MICA: variants seen among roughly 807,000 people sequenced by gnomAD.
MICA encodes the protein MHC class I polypeptide-related sequence A.
MICA carries 18 observed loss-of-function variants against 34.3 expected under a neutral mutation model. That is an observed-to-expected ratio of 0.52 (90% CI 0.36 to 0.78). The LOEUF is 0.78. Ranked by LOEUF, MICA falls within the 30% of genes least tolerant of loss-of-function variation. The pLI is 0.00. For synonymous variants in MICA, 135 were observed against 156.9 expected (o/e 0.86, Z 1.04); for missense variants, 333 against 409.4 (o/e 0.81, Z 1.61).
rs949103320 is a variant in MICA at position 31,412,201 on chromosome 6, C to G, written c.868C>G (p.His290Asp). 6.2e-7 allele frequency: 1 copy of G among 1,611,076 alleles called. No individual in the cohort carries two copies. The highest frequency in any genetic ancestry group is 1.3e-5 in the African/African-American group (1 of 74,564). ...FTCYMEHSGNHSTHPVPSGKV... is the reference protein window; with the variant it reads ...FTCYMEHSGNDSTHPVPSGKV... ...CTGCTACATGGAACACAGCGGGAAT[C>G]ACAGCACTCACCCTGTGCCCTCTGG... is the stretch of plus-strand genomic sequence containing the variant. Residue 290 changes from histidine (H) to aspartate (D), a missense_variant, in exon 4 of 6, where the codon CAC becomes GAC. His to Asp is a moderately conservative substitution (Grantham distance 81). Coordinates refer to ENST00000449934, the MANE Select transcript of MICA (RefSeq NM_001177519.3).
intron 1 of MICA, among the ~76,000 whole-genome samples, chr6:31,405,063 C>T (rs1770678794): frequency 6.7e-6 from 1 of 148,600 alleles, no homozygotes; most frequent in Non-Finnish European, 1.5e-5. Flanking sequence ...CCAGAGCACC[C>T]TCCCCTCCTG....
chr6:31,406,326 C>G (rs372515474), intron 1 of MICA, among the ~76,000 whole-genome samples: 2 of 151,744 alleles, frequency 1.3e-5, no homozygotes, highest in Non-Finnish European at 2.9e-5. Context: ...AGCACCTTTT[C>G]ATATACCTGT....
chr6:31,401,581 A>G (rs1405225908), upstream of MICA, among the ~76,000 whole-genome samples: 1 of 151,308 alleles, frequency 6.6e-6, no homozygotes, highest in Non-Finnish European at 1.5e-5. Context: ...GGATTGCTTG[A>G]GCCCAGGCAT....
rs1309684034 is a variant in MICA at position 31,411,073 on chromosome 6, C to A, written c.327C>A (p.Gly109=). 2 of 1,586,886 alleles carry A rather than the reference C, an allele frequency of 1.3e-6. No individual in the cohort carries two copies. The highest frequency in any genetic ancestry group is 1.4e-5 in the African/African-American group (1 of 73,992). The change falls in exon 3 of 6, where the codon GGC becomes GGA. Residue 109 remains glycine (G), a splice_region_variant and synonymous_variant. Transcript: ENST00000449934. This position sits in a 1 kb window ranked among gnomAD's most constrained non-coding sequence, Gnocchi z 4.3. ...GAAGTCACTGCTGGGTGGGGGCAGG[C>A]TTGCATTCCCTCCAGGAGATTAGGG... ...TLAHIKDQKE[G]LHSLQEIRVC...
At chr6:31,410,994 C>A in intron 2 of MICA, 78 bp from the exon 3 acceptor site, 3 of 1,488,596 alleles carry the variant, frequency 2.0e-6, no homozygotes, top group South Asian at 1.4e-5. Flanking sequence ...GGGAGGCATA[C>A]CCCCTGGGCT....
chr6:31,411,116 G>T lies in MICA; in HGVS notation c.370G>T (p.Asp124Tyr). ...GATTAGGGTCTGTGAGATCCATGAA[G>T]ACAACAGCACCAGGAGCTCCCAGCA... ...QEIRVCEIHEDNSTRSSQHFY... is the reference protein window; with the variant it reads ...QEIRVCEIHEYNSTRSSQHFY... Residue 124 changes from aspartate to tyrosine, a missense_variant, in exon 3 of 6, where the codon GAC (aspartate) becomes TAC (tyrosine). By Grantham distance (160) the Asp-to-Tyr change is radical. Transcript: ENST00000449934. The surrounding 1 kb of genome is among the most constrained non-coding windows in gnomAD (Gnocchi z 4.3). The T allele has an allele frequency of 1.9e-6, 3 of 1,609,278 alleles. No homozygotes were observed. Among genetic ancestry groups the T allele is most frequent in the Non-Finnish European group, 2.5e-6 (3 of 1,178,416 alleles).
Position 31,403,603 on chromosome 6 carries a change from AGCC to A in MICA, c.-27_-25del. ...GCGCCTTCTCCCCGGCCACTGCTTG[AGCC>A]GCTGAGAGGGTGGCGACGTCGGGGC... On this transcript the variant is annotated 5_prime_UTR_variant, in exon 1 of 6. Coordinates refer to ENST00000449934, the MANE Select transcript of MICA (RefSeq NM_001177519.3). This position sits in a 1 kb window ranked among gnomAD's most constrained non-coding sequence, Gnocchi z 4.7. 6.7e-7 allele frequency: 1 copy of A among 1,482,368 alleles called. No homozygotes were observed. Among genetic ancestry groups the A allele is most frequent in the Non-Finnish European group, 8.9e-7 (1 of 1,118,898 alleles). The allele number at this position is 1,482,368 out of a possible 1,614,324, so 91.8% of individuals were successfully genotyped here.
At chr6:31,413,428 T>A (rs114109373) in intron 5 of MICA, among the ~76,000 whole-genome samples, 5,032 of 151,936 alleles carry the variant, frequency 0.033, 137 homozygotes, top group Non-Finnish European at 0.048. Context: ...CACTGCCTGG[T>A]AAGTTTGGAG....
chr6:31,404,280 C>G (rs2113722926), intron 1 of MICA, among the ~76,000 whole-genome samples: 1 of 151,694 alleles, frequency 6.6e-6, no homozygotes, highest in East Asian at 2.0e-4. Flanking sequence ...AGGCTCCGGG[C>G]AGAGGATTCT....
Position 31,412,279 on chromosome 6 carries a change from T to C in MICA, c.893-46T>C, listed in dbSNP as rs760943127. The C allele has an allele frequency of 8.8e-5, 141 of 1,605,856 alleles. 1 individual carries two copies. Among genetic ancestry groups the C allele is most frequent in the Non-Finnish European group, 7.6e-6 (9 of 1,177,306 alleles). On this transcript the variant is annotated intron_variant, in intron 4 of 5. Transcript: ENST00000449934. ...CAGGCCAGGGTAGGGACAGCAGGGA[T>C]GGCTGTGGCTCTCTGCCCAGTGTAT...
chr6:31,402,699 G>A (rs1770501488), upstream of MICA, among the ~76,000 whole-genome samples: 2 of 151,850 alleles, frequency 1.3e-5, 1 homozygote, highest in South Asian at 4.1e-4. Flanking sequence ...AGGGACCAAG[G>A]ATGGTGATGT....
rs147469728 is a variant in MICA at position 31,407,234 on chromosome 6, G to A, written c.71-3309G>A. 9.7e-4 allele frequency among the ~76,000 whole-genome samples: 148 copies of A among 151,802 alleles called. 5 individuals carry two copies. Among genetic ancestry groups the A allele is most frequent in the African/African-American group, 3.6e-3 (147 of 41,328 alleles). The stretch of plus-strand genomic sequence containing the variant: ...GTGTCCTTCAATTTTTTGCATCAGT[G>A]TTTTTTGTTTTTGGTTTTTGAGATG... On this transcript the variant is annotated intron_variant, in intron 1 of 5. Transcript: ENST00000449934.
chr6:31,407,924 C>T (rs879463662), intron 1 of MICA, among the ~76,000 whole-genome samples: 1 of 151,954 alleles, frequency 6.6e-6, no homozygotes, highest in South Asian at 2.1e-4. Context: ...TTGTCTTATT[C>T]CAGATCTTAG....
Position 31,411,127 on chromosome 6 carries a change from C to A in MICA, c.381C>A (p.Thr127=). 1 of 1,610,818 alleles carries A rather than the reference C, an allele frequency of 6.2e-7. No individual in the cohort carries two copies. Among genetic ancestry groups the A allele is most frequent in the South Asian group, 1.1e-5 (1 of 90,496 alleles). ...GTGAGATCCATGAAGACAACAGCACCAGGAGCTCCCAGCATTTCTACTACG... is the reference window on the plus strand; with the variant it reads ...GTGAGATCCATGAAGACAACAGCACAAGGAGCTCCCAGCATTTCTACTACG... ...RVCEIHEDNS[T]RSSQHFYYDG... is the part of the protein sequence containing the mutation. Residue 127 remains threonine (T), a synonymous_variant, in exon 3 of 6, where the codon ACC becomes ACA. Transcript: ENST00000449934. This position sits in a 1 kb window ranked among gnomAD's most constrained non-coding sequence, Gnocchi z 4.3.
Position 31,410,656 on chromosome 6 carries a change from C to T in MICA, c.184C>T (p.Gln62Ter). Residue 62 changes from glutamine to a stop codon, truncating the protein, a stop_gained, in exon 2 of 6, where the codon CAG (glutamine) becomes TAG (stop). Coordinates refer to ENST00000449934, the MANE Select transcript of MICA (RefSeq NM_001177519.3). LOFTEE classifies it high-confidence loss of function. Reference sequence around the variant, plus strand: ...TCAGCCCTTCCTGCGCTATGACAGGCAGAAATGCAGGGCAAAGCCCCAGGG... The same window carrying T: ...TCAGCCCTTCCTGCGCTATGACAGGTAGAAATGCAGGGCAAAGCCCCAGGG... The part of the protein sequence containing the change: ...DGQPFLRYDR[Q>*]KCRAKPQGQW... The T allele has an allele frequency of 6.2e-7, 1 of 1,613,560 alleles. No individual in the cohort carries two copies. Among genetic ancestry groups the T allele is most frequent in the South Asian group, 1.1e-5 (1 of 91,056 alleles).
chr6:31,403,591 G>C (rs767024290), upstream of MICA: 16 of 1,450,376 alleles, frequency 1.1e-5, no homozygotes, highest in Admixed American at 3.0e-5. The surrounding 1 kb of genome is among the most constrained non-coding windows in gnomAD (Gnocchi z 4.7). Flanking sequence ...CCTTCTCCCC[G>C]GCCACTGCTT....
intron 1 of MICA, among the ~76,000 whole-genome samples, chr6:31,407,381 C>T (rs1465700050): frequency 6.6e-6 from 1 of 151,888 alleles, no homozygotes; most frequent in Non-Finnish European, 1.5e-5. Context: ...GGATTACAGG[C>T]ATGTGCCACT....
In MICA at chr6:31,410,975, G is replaced by A; in HGVS notation, c.326-97G>A. On this transcript the variant is annotated intron_variant, in intron 2 of 5. Transcript: ENST00000449934. ...CTCAGCCCACACAGGGAGGCATGGAGGAGGGCCAGGGAGGCATACCCCCTG... is the reference window on the plus strand; with the variant it reads ...CTCAGCCCACACAGGGAGGCATGGAAGAGGGCCAGGGAGGCATACCCCCTG... The A allele has an allele frequency of 6.1e-6, 9 of 1,475,234 alleles. No individual in the cohort carries two copies. In the South Asian group the frequency reaches 1.1e-4, roughly 18 times the overall value. 91.4% of individuals were successfully genotyped at this position (1,475,234 alleles called of 1,614,324 possible). A position where few individuals can be genotyped will look rare whatever the true frequency, so the allele number is the denominator to read the frequency against.
intron 1 of MICA, among the ~76,000 whole-genome samples, chr6:31,407,359 C>T (rs1325061214): frequency 1.3e-5 from 2 of 151,938 alleles, no homozygotes; most frequent in Non-Finnish European, 2.9e-5. Context: ...GCCTCAGCCT[C>T]CCAAGTAGCT....
Sources: allele counts gnomAD v4.1 joint callset (sites outside exome capture counted in the v4.1 genomes callset), GRCh38; gene constraint gnomAD v4.1.1; non-coding constraint Gnocchi (gnomAD v3.1); transcripts MANE v1.5; gene names NCBI Gene and HGNC (gene_info 2026-07-23, HGNC 2026-07-21).